Variants in COL5A2 observed in about 807,000 individuals in gnomAD.
COL5A2 encodes the protein collagen type V alpha 2 chain, also known as collagen alpha-2(V) chain.
Under a neutral mutation model 208.2 loss-of-function variants are expected in COL5A2, and 23 were observed. The observed-to-expected ratio is 0.11, with a 90% CI of 0.08 to 0.16. The LOEUF (loss-of-function observed/expected upper bound fraction) is 0.16. Among genes scored for constraint, COL5A2 ranks in the 10% least tolerant of loss-of-function variants. The probability of loss-of-function intolerance (pLI) is 1.00; values close to 1 mark genes in which losing one functional copy is unlikely to be tolerated. For synonymous variants in COL5A2, 625 were observed against 628.5 expected (o/e 0.99, Z 0.08); for missense variants, 1,590 against 1,956.4 (o/e 0.81, Z 3.53).
the COL5A2 span, among the ~76,000 whole-genome samples, chr2:189,396,339 C>G: frequency 6.6e-6 from 1 of 152,092 alleles, no homozygotes; most frequent in Non-Finnish European, 1.5e-5. Flanking sequence ...AAATGTAATG[C>G]CTTCATGAGA....
chr2:189,102,657 G>T (rs936386898), intron 3 of COL5A2, among the ~76,000 whole-genome samples: 3 of 151,998 alleles, frequency 2.0e-5, no homozygotes, highest in African/African-American at 7.2e-5. Flanking sequence ...TACCATGGAA[G>T]CAGTTATAGT....
intron 6 of COL5A2, among the ~76,000 whole-genome samples, chr2:189,093,771 A>G (rs1686840891): frequency 6.6e-6 from 1 of 152,176 alleles, no homozygotes; most frequent in South Asian, 2.1e-4. Flanking sequence ...ATTATACACA[A>G]CAGAGGCTGA....
intron 47 of COL5A2, among the ~76,000 whole-genome samples, chr2:189,044,232 T>A (rs1325548157): frequency 6.6e-6 from 1 of 152,226 alleles, no homozygotes; most frequent in Non-Finnish European, 1.5e-5. Flanking sequence ...CTTATTGTTT[T>A]GATTTTGAAT....
chr2:189,129,581 G>A (rs1414053399), intron 1 of COL5A2, among the ~76,000 whole-genome samples: 1 of 151,842 alleles, frequency 6.6e-6, no homozygotes, highest in East Asian at 1.9e-4. Flanking sequence ...TAGGTACTAG[G>A]TGACATTTAC....
At chr2:189,059,585 G>GTTTTTTTTTTTTTTTCTTTTT (rs1685979794) in intron 31 of COL5A2, among the ~76,000 whole-genome samples, 1 of 28,594 alleles carries the variant, frequency 3.5e-5, no homozygotes, top group Non-Finnish European at 7.4e-5. Context: ...TTCTTTTCTG[G>GTTTTTTTTTTTTTTTCTTTTT]TTTTTTTTTT....
At chr2:189,370,612 A>G in the COL5A2 span, among the ~76,000 whole-genome samples, 1 of 151,610 alleles carries the variant, frequency 6.6e-6, no homozygotes, top group African/African-American at 2.4e-5. Flanking sequence ...ATAACCACAT[A>G]CAATCATACT....
At position 189,032,711 on chromosome 2, in the gene COL5A2, G is replaced by C. The variant is rs1317611788; in HGVS notation, c.*1359C>G. On this transcript the variant is annotated 3_prime_UTR_variant, in exon 54 of 54. Transcript: ENST00000374866. Reference sequence around the variant, plus strand: ...CTACATGTTCTGGTCTAAGAAGCATGCAAGTATTACAAAGCATTCCAGATA... The same window carrying C: ...CTACATGTTCTGGTCTAAGAAGCATCCAAGTATTACAAAGCATTCCAGATA... 6.6e-6 allele frequency: 1 copy of C among 152,506 alleles called. No individual in the cohort carries two copies. Among genetic ancestry groups the C allele is most frequent in the African/African-American group, 2.4e-5 (1 of 41,442 alleles). 9.4% of individuals were successfully genotyped at this position (152,506 alleles called of 1,614,324 possible). A position where few individuals can be genotyped will look rare whatever the true frequency, so the allele number is the denominator to read the frequency against.
intron 1 of COL5A2, among the ~76,000 whole-genome samples, chr2:189,169,474 T>A (rs190641909): frequency 6.6e-6 from 1 of 152,340 alleles, no homozygotes; most frequent in Non-Finnish European, 1.5e-5. Flanking sequence ...CAATATGGCC[T>A]TTTTATTTGA....
chr2:189,290,274 C>A, the COL5A2 span, among the ~76,000 whole-genome samples: 4 of 152,314 alleles, frequency 2.6e-5, no homozygotes, highest in South Asian at 8.3e-4. Context: ...TGAACAACGA[C>A]AAAATCACCT....
chr2:189,185,255 C>A (rs1449544232), intron 1 of COL5A2, among the ~76,000 whole-genome samples: 1 of 152,102 alleles, frequency 6.6e-6, no homozygotes, highest in Non-Finnish European at 1.5e-5. Context: ...AAACTCCTGA[C>A]CTTTTGATCT....
chr2:189,085,675 T>C (rs1686642244), intron 10 of COL5A2, 44 bp downstream of exon 10: 1 of 1,531,362 alleles, frequency 6.5e-7, no homozygotes, highest in African/African-American at 1.4e-5. Flanking sequence ...ATTATAATGG[T>C]GGACCCAAAT....
chr2:189,324,498 G>C, the COL5A2 span, among the ~76,000 whole-genome samples: 2 of 152,186 alleles, frequency 1.3e-5, no homozygotes, highest in Non-Finnish European at 2.9e-5. Flanking sequence ...ATCAAGAAGT[G>C]GGTGAAGGAT....
At chr2:189,134,258 A>G (rs1168285875) in intron 1 of COL5A2, among the ~76,000 whole-genome samples, 2 of 152,162 alleles carry the variant, frequency 1.3e-5, no homozygotes, top group African/African-American at 4.8e-5. Context: ...CAATATAAAT[A>G]TAACCTTTTG....
chr2:189,110,433 T>G lies in COL5A2; in HGVS notation c.114A>C (p.Glu38Asp). The change falls in exon 2 of 54, where the codon GAA (glutamate) becomes GAC (aspartate). Residue 38 changes from glutamate to aspartate, a missense_variant. By Grantham distance (45) the Glu-to-Asp change is conservative. Transcript: ENST00000374866. ...TCTGGCCATTCTGAGTGCAGGCTAT[T>G]TCTTCACCATATCCTTCTAAAATAA... ...EEDEDEGYGE[E>D]IACTQNGQMY... The G allele has an allele frequency of 6.2e-7, 1 of 1,613,398 alleles. No homozygotes were observed. The highest frequency in any genetic ancestry group is 8.5e-7 in the Non-Finnish European group (1 of 1,179,338).
chr2:189,277,718 T>C, the COL5A2 span, among the ~76,000 whole-genome samples: 1 of 152,114 alleles, frequency 6.6e-6, no homozygotes, highest in Non-Finnish European at 1.5e-5. Context: ...CAGATACTCA[T>C]AGATCCAATG....
At chr2:189,053,737 A>C (rs1685840288) in intron 37 of COL5A2, among the ~76,000 whole-genome samples, 158 bp downstream of exon 37, 1 of 152,236 alleles carries the variant, frequency 6.6e-6, no homozygotes, top group Non-Finnish European at 1.5e-5. Context: ...TATAGCAGAT[A>C]ATTTTTAAGT....
chr2:189,085,880 T>G (rs1640305081), intron 9 of COL5A2, 108 bp from the exon 10 acceptor site: 2 of 895,584 alleles, frequency 2.2e-6, no homozygotes, highest in Admixed American at 2.0e-5. Context: ...CTCTGCCATC[T>G]TCCAGCTGTG....
chr2:189,193,119 C>T (rs897710476), intron 1 of COL5A2, among the ~76,000 whole-genome samples: 1 of 152,174 alleles, frequency 6.6e-6, no homozygotes, highest in African/African-American at 2.4e-5. Flanking sequence ...AAGAACCATG[C>T]CAATAAATTT....
chr2:189,055,037 C>CGATTGCAAGCGTCTGTCAG, intron 35 of COL5A2, among the ~76,000 whole-genome samples: 1 of 152,182 alleles, frequency 6.6e-6, no homozygotes, highest in East Asian at 1.9e-4. Flanking sequence ...GCGTCTGTCA[C>CGATTGCAAGCGTCTGTCAG]CACCACACCC....
Sources: gnomAD v4.1 joint callset for allele counts (sites outside exome capture counted in the v4.1 genomes callset) on GRCh38, gnomAD v4.1.1 for gene constraint, MANE v1.5 for transcripts, NCBI Gene and HGNC (gene_info 2026-07-23, HGNC 2026-07-21) for gene names.